The following ITGA8 variants were observed in gnomAD, a reference collection of about 807,000 sequenced individuals.
ITGA8 encodes integrin subunit alpha 8, also known as integrin alpha-8.
Under a neutral mutation model 142.3 loss-of-function variants are expected in ITGA8, and 91 were observed. The ratio of observed to expected loss-of-function variants is 0.64; its 90% CI spans 0.54 to 0.76. The LOEUF (loss-of-function observed/expected upper bound fraction) is 0.76. ITGA8 is among the 30% of genes least tolerant of loss of function. ITGA8 has a pLI of 0.00. For missense variants in ITGA8, 1,406 were observed against 1,327.7 expected (o/e 1.06, Z -0.92); for synonymous variants, 505 against 485.2 (o/e 1.04, Z -0.54).
At chr10:15,647,487 G>T (rs535855975) in intron 11 of ITGA8, among the ~76,000 whole-genome samples, 2 of 117,200 alleles carry the variant, frequency 1.7e-5, no homozygotes, top group African/African-American at 3.3e-5. Flanking sequence ...ACGGAGTCTC[G>T]CTCTGTCGCC....
At chr10:15,685,178 G>T (rs533011001) in intron 3 of ITGA8, among the ~76,000 whole-genome samples, 1 of 152,202 alleles carries the variant, frequency 6.6e-6, no homozygotes, top group Non-Finnish European at 1.5e-5. Context: ...GGCAATTCAA[G>T]TCTCTGGCCC....
intron 2 of ITGA8, among the ~76,000 whole-genome samples, chr10:15,717,692 A>G (rs1328965573): frequency 6.6e-6 from 1 of 152,250 alleles, no homozygotes; most frequent in African/African-American, 2.4e-5. Context: ...TTTGGTCATA[A>G]TTCAAGGTAA....
intron 13 of ITGA8, among the ~76,000 whole-genome samples, chr10:15,628,922 T>C (rs1320728827): frequency 6.6e-6 from 1 of 152,000 alleles, no homozygotes; most frequent in Non-Finnish European, 1.5e-5. Flanking sequence ...GCAAATTGTC[T>C]CTACAACAAT....
At chr10:15,661,003 T>G (rs1834276042) in intron 8 of ITGA8, 81 bp from the exon 9 acceptor site, 5 of 1,274,508 alleles carry the variant, frequency 3.9e-6, no homozygotes, top group Non-Finnish European at 5.7e-6. Flanking sequence ...CTAAAAGTGG[T>G]AAAGACAGTG....
At chr10:15,644,545 T>C (rs1833943168) in intron 12 of ITGA8, among the ~76,000 whole-genome samples, 1 of 139,228 alleles carries the variant, frequency 7.2e-6, no homozygotes, top group African/African-American at 2.7e-5. Flanking sequence ...CCCAGGATGG[T>C]CTGGAATTCC....
At chr10:15,626,733 G>T (rs1222325079) in intron 13 of ITGA8, among the ~76,000 whole-genome samples, 1 of 152,156 alleles carries the variant, frequency 6.6e-6, no homozygotes, top group African/African-American at 2.4e-5. Context: ...CTTATAAGAA[G>T]AGGAAGCTAA....
At chr10:15,634,783 G>C (rs1464042020) in intron 13 of ITGA8, among the ~76,000 whole-genome samples, 1 of 152,084 alleles carries the variant, frequency 6.6e-6, no homozygotes, top group Non-Finnish European at 1.5e-5. Context: ...GAACTGTAGA[G>C]GGACAAATGG....
intron 2 of ITGA8, among the ~76,000 whole-genome samples, chr10:15,711,339 C>T (rs751792244): frequency 1.7e-4 from 26 of 152,184 alleles, no homozygotes; most frequent in Non-Finnish European, 3.5e-4. Flanking sequence ...CTTTACACCC[C>T]CAGGTGTTGT....
chr10:15,581,061 A>G (rs1327184961), intron 23 of ITGA8, among the ~76,000 whole-genome samples: 1 of 152,228 alleles, frequency 6.6e-6, no homozygotes, highest in Non-Finnish European at 1.5e-5. Flanking sequence ...CCTGATAGGA[A>G]TATCTTTGTT....
At chr10:15,572,433 A>G (rs1834203551) in intron 24 of ITGA8, 64 bp from the exon 25 acceptor site, 4 of 1,413,686 alleles carry the variant, frequency 2.8e-6, no homozygotes, top group East Asian at 4.6e-5. Context: ...ATCAAACTCC[A>G]TATACTCTAT....
chr10:15,692,806 G>A (rs1393619542), intron 2 of ITGA8, among the ~76,000 whole-genome samples: 2 of 152,216 alleles, frequency 1.3e-5, no homozygotes, highest in Admixed American at 6.5e-5. Flanking sequence ...AGTGGCTCAT[G>A]CCGGTAATCC....
chr10:15,656,797 A>G (rs1303651692), intron 10 of ITGA8, among the ~76,000 whole-genome samples: 3 of 152,140 alleles, frequency 2.0e-5, no homozygotes, highest in Non-Finnish European at 4.4e-5. Flanking sequence ...TGTGCCATGC[A>G]ATGTTTGAAG....
chr10:15,541,933 C>G (rs947462540), intron 27 of ITGA8, among the ~76,000 whole-genome samples: 1 of 152,158 alleles, frequency 6.6e-6, no homozygotes, highest in African/African-American at 2.4e-5. Flanking sequence ...CATTCGGCCC[C>G]TTGGTCTACA....
chr10:15,664,760 T>A (rs1300748856), intron 8 of ITGA8, among the ~76,000 whole-genome samples: 1 of 145,112 alleles, frequency 6.9e-6, no homozygotes, highest in African/African-American at 2.5e-5. Flanking sequence ...AGTGAGAACA[T>A]GCAGTGTTTG....
intron 6 of ITGA8, among the ~76,000 whole-genome samples, chr10:15,676,161 C>T (rs1418461220): frequency 6.6e-6 from 1 of 152,112 alleles, no homozygotes. Context: ...CTACGCTGCC[C>T]TCCTGCCTCC....
At chr10:15,614,049 A>G (rs1261567092) in intron 14 of ITGA8, among the ~76,000 whole-genome samples, 1 of 152,206 alleles carries the variant, frequency 6.6e-6, no homozygotes, top group Non-Finnish European at 1.5e-5. Flanking sequence ...TTCATTATGA[A>G]GTGGGCCTCC....
At chr10:15,590,894 A>C (rs1016209565) in intron 22 of ITGA8, among the ~76,000 whole-genome samples, 42 of 152,162 alleles carry the variant, frequency 2.8e-4, no homozygotes, top group African/African-American at 9.2e-4. Flanking sequence ...TAAGGTCAGA[A>C]ATGAACAGCT....
At chr10:15,575,348 C>A (rs1003488209) in intron 24 of ITGA8, 141 bp downstream of exon 24, 4 of 630,012 alleles carry the variant, frequency 6.3e-6, no homozygotes, top group Non-Finnish European at 1.1e-5. Flanking sequence ...TGTGATTGCA[C>A]CACTGCACTC....
intron 9 of ITGA8, among the ~76,000 whole-genome samples, chr10:15,660,069 C>T (rs1444667321): frequency 6.6e-6 from 1 of 152,058 alleles, no homozygotes; most frequent in African/African-American, 2.4e-5. Flanking sequence ...TAAAATAATG[C>T]AATTCATTAA....
Sources: gnomAD v4.1 joint callset for allele counts (sites outside exome capture counted in the v4.1 genomes callset) on GRCh38, gnomAD v4.1.1 for gene constraint, MANE v1.5 for transcripts, NCBI Gene and HGNC (gene_info 2026-07-23, HGNC 2026-07-21) for gene names.